Variants in SPINK13 observed in about 807,000 individuals in gnomAD.
The protein encoded by SPINK13 is serine peptidase inhibitor Kazal type 13.
SPINK13 carries 11 observed loss-of-function variants against 11.0 expected under a neutral mutation model. The ratio of observed to expected loss-of-function variants is 1.00; its 90% confidence interval spans 0.63 to 1.65. The LOEUF is 1.65. Among genes scored for constraint, SPINK13 ranks in the 40% most tolerant of loss-of-function variants. The pLI is 0.00. For missense variants in SPINK13, 113 were observed against 117.7 expected (o/e 0.96, Z 0.19); for synonymous variants, 31 against 35.6 (o/e 0.87, Z 0.46).
intron 2 of SPINK13, among the ~76,000 whole-genome samples, chr5:148,271,952 T>A: frequency 6.6e-6 from 1 of 152,242 alleles, no homozygotes; most frequent in Admixed American, 6.5e-5. Flanking sequence ...TTCAATACTA[T>A]ATGAAGAGAA....
intron 2 of SPINK13, 65 bp from the exon 3 acceptor site, chr5:148,274,282 A>G (rs1048369729): frequency 5.3e-6 from 6 of 1,125,420 alleles, no homozygotes; most frequent in Non-Finnish European, 8.0e-6. Flanking sequence ...TGACTTCAGT[A>G]GGTGATGTTA....
At chr5:148,271,666 C>T (rs1756352366) in intron 2 of SPINK13, among the ~76,000 whole-genome samples, 1 of 152,050 alleles carries the variant, frequency 6.6e-6, no homozygotes, top group African/African-American at 2.4e-5. Flanking sequence ...CTGTTGGAGA[C>T]GGAGTCTCAC....
At chr5:148,270,200 A>C in intron 2 of SPINK13, 58 bp downstream of exon 2, 4 of 1,556,080 alleles carry the variant, frequency 2.6e-6, no homozygotes, top group Non-Finnish European at 3.5e-6. Flanking sequence ...GTTATAGGAA[A>C]GAAAACGAGT....
chr5:148,270,130 G>A lies in SPINK13; in HGVS notation c.58G>A (p.Val20Met). ...CCTGGTATGCTCTACTTTGACACAT[G>A]TGGCTTTCTCAGGTGAGTAACCTAA... The part of the protein sequence containing the change: ...FFLVCSTLTH[V>M]AFSGIFNKRD... Residue 20 changes from valine (V) to methionine (M), a missense_variant, in exon 2 of 5, where the codon GTG becomes ATG. Coordinates refer to ENST00000398450, the MANE Select transcript of SPINK13 (RefSeq NM_001040129.3). The A allele has an allele frequency of 6.2e-7, 1 of 1,614,008 alleles. No homozygotes were observed. The highest frequency in any genetic ancestry group is 8.5e-7 in the Non-Finnish European group (1 of 1,179,940).
At chr5:148,278,554 T>C (rs2113370487) in intron 3 of SPINK13, among the ~76,000 whole-genome samples, 1 of 152,366 alleles carries the variant, frequency 6.6e-6, no homozygotes, top group East Asian at 1.9e-4. Context: ...GAGCAGGTTG[T>C]TCTGTTTCCA....
intron 4 of SPINK13, 78 bp from the exon 5 acceptor site, chr5:148,285,922 A>C: frequency 1.2e-6 from 1 of 821,920 alleles, no homozygotes; most frequent in Non-Finnish European, 1.9e-6. Flanking sequence ...CCTCTTTTAG[A>C]AGATAAGGAA....
chr5:148,282,342 A>T lies in SPINK13; in HGVS notation c.236+111A>T. ...ACTGATGCATACTTTTTTTAAAAAAATAGCCTCATTATTTACAAAAACTGG... is the reference window on the plus strand; with the variant it reads ...ACTGATGCATACTTTTTTTAAAAAATTAGCCTCATTATTTACAAAAACTGG... On this transcript the variant is annotated intron_variant, in intron 4 of 4. Coordinates refer to ENST00000398450, the MANE Select transcript of SPINK13 (RefSeq NM_001040129.3). The T allele has an allele frequency of 1.1e-5, 15 of 1,336,546 alleles. 1 individual carries two copies. The South Asian group carries it at 2.0e-4, about 18-fold the overall frequency. The allele number at this position is 1,336,546 out of a possible 1,614,324, so 82.8% of individuals were successfully genotyped here.
rs77149047 is a variant in SPINK13, at chr5:148,272,720, A to C, written c.71-1627A>C. Among the ~76,000 whole-genome samples, 972 of 152,296 alleles carry C rather than the reference A, an allele frequency of 6.4e-3. 13 individuals are homozygous for C. The highest frequency in any genetic ancestry group is 0.013 in the East Asian group (69 of 5,184). ...AGAACCTTCAGGTCTGTCTTTAACA[A>C]ATTAACTAAACCATATTTTAAAAGA... is the stretch of plus-strand genomic sequence containing the variant. On this transcript the variant is annotated intron_variant, in intron 2 of 4. Coordinates refer to ENST00000398450, the MANE Select transcript of SPINK13 (RefSeq NM_001040129.3).
intron 3 of SPINK13, among the ~76,000 whole-genome samples, chr5:148,280,720 C>T (rs1354171729): frequency 6.6e-6 from 1 of 152,344 alleles, no homozygotes; most frequent in African/African-American, 2.4e-5. Flanking sequence ...TGTCCGTAGA[C>T]CCCTGCTGGG....
Position 148,281,048 on chromosome 5 carries a change from CCA to C in SPINK13, c.109-1055_109-1054del, listed in dbSNP as rs1326284512. 3.9e-5 allele frequency among the ~76,000 whole-genome samples: 6 copies of C among 152,164 alleles called. No homozygotes were observed. In the East Asian group the frequency reaches 1.2e-3, roughly 29 times the overall value. On this transcript the variant is annotated intron_variant, in intron 3 of 4. Coordinates refer to ENST00000398450, the MANE Select transcript of SPINK13 (RefSeq NM_001040129.3). The stretch of plus-strand genomic sequence containing the variant: ...TTTGCTGAGCTGCAGTGGGCTCCAC[CCA>C]GTCGGAACTTCCCAGTGGCTTTGTT...
intron 3 of SPINK13, among the ~76,000 whole-genome samples, chr5:148,278,060 T>C (rs964459051): frequency 2.0e-5 from 3 of 152,224 alleles, no homozygotes; most frequent in East Asian, 1.9e-4. Flanking sequence ...TTTATTTGCA[T>C]AGAGATGTTT....
intron 3 of SPINK13, among the ~76,000 whole-genome samples, chr5:148,276,197 G>A (rs111269332): frequency 2.0e-5 from 3 of 151,866 alleles, no homozygotes; most frequent in Admixed American, 1.3e-4. Flanking sequence ...GATATTAGCC[G>A]TTTGTCAGAT....
intron 4 of SPINK13, among the ~76,000 whole-genome samples, 198 bp from the exon 5 acceptor site, chr5:148,285,802 G>A (rs76266808): frequency 0.046 from 6,995 of 150,692 alleles, 412 homozygotes; most frequent in African/African-American, 0.14. Context: ...GACACCTTTT[G>A]AATAATCAAG....
chr5:148,277,849 T>C (rs536765072), intron 3 of SPINK13, among the ~76,000 whole-genome samples: 1 of 152,314 alleles, frequency 6.6e-6, no homozygotes, highest in East Asian at 1.9e-4. Flanking sequence ...GAAGGAATGG[T>C]ACCAGCTCCT....
At chr5:148,282,076 G>T in intron 3 of SPINK13, 28 bp from the exon 4 acceptor site, 1 of 1,611,742 alleles carries the variant, frequency 6.2e-7, no homozygotes, top group East Asian at 2.2e-5. Context: ...TGTATTATTT[G>T]TCACTTTATG....
chr5:148,275,661 T>A (rs968961964), intron 3 of SPINK13, among the ~76,000 whole-genome samples: 5 of 151,536 alleles, frequency 3.3e-5, no homozygotes, highest in Non-Finnish European at 5.9e-5. Context: ...TTCCTGACTT[T>A]TTTTCTTTTT....
At chr5:148,270,206 C>T (rs367700417) in intron 2 of SPINK13, 64 bp downstream of exon 2, 36 of 1,533,742 alleles carry the variant, frequency 2.3e-5, no homozygotes, top group Admixed American at 1.6e-4. Flanking sequence ...GGAAAGAAAA[C>T]GAGTAATTTT....
rs371032900 is a variant in SPINK13, at chr5:148,269,630, C to A, written c.-33-410C>A. 5.3e-5 allele frequency among the ~76,000 whole-genome samples: 8 copies of A among 152,276 alleles called. No homozygotes were observed. The East Asian group carries it at 1.5e-3, about 29-fold the overall frequency. On this transcript the variant is annotated intron_variant, in intron 1 of 4. Transcript: ENST00000398450. Reference sequence around the variant, plus strand: ...TGTACAGGACAGCTCTCAGTTTACACCTGTTACCTCAGAATTCTTATGAAT... The same window carrying A: ...TGTACAGGACAGCTCTCAGTTTACAACTGTTACCTCAGAATTCTTATGAAT...
intron 3 of SPINK13, among the ~76,000 whole-genome samples, chr5:148,276,276 T>C (rs922838865): frequency 3.3e-5 from 5 of 152,240 alleles, no homozygotes; most frequent in African/African-American, 1.2e-4. Flanking sequence ...TTTATTTTGC[T>C]GTGCAGAAGC....
Sources: gnomAD v4.1 joint callset for allele counts (sites outside exome capture counted in the v4.1 genomes callset) on GRCh38, gnomAD v4.1.1 for gene constraint, MANE v1.5 for transcripts, NCBI Gene and HGNC (gene_info 2026-07-23, HGNC 2026-07-21) for gene names.